LARP4: variants seen among roughly 807,000 people sequenced by gnomAD.
The protein encoded by LARP4 is La ribonucleoprotein 4.
A neutral mutation model predicts 92.9 loss-of-function variants in LARP4; 29 were observed. That is an observed-to-expected ratio of 0.31 (90% CI 0.23 to 0.43). The LOEUF (loss-of-function observed/expected upper bound fraction) is 0.43, where lower values mean the gene tolerates loss of function less well. LARP4 is among the 20% of genes least tolerant of loss of function. The pLI is 1.00. For synonymous variants in LARP4, 279 were observed against 284.1 expected (o/e 0.98, Z 0.18); for missense variants, 732 against 860.0 (o/e 0.85, Z 1.86).
intron 4 of LARP4, among the ~76,000 whole-genome samples, chr12:50,434,997 G>A (rs1000800936): frequency 5.3e-5 from 8 of 152,306 alleles, no homozygotes; most frequent in East Asian, 1.9e-4. Flanking sequence ...GCAGTGAGTC[G>A]AGTTTGCGCC....
intron 8 of LARP4, among the ~76,000 whole-genome samples, chr12:50,443,864 C>T (rs1391750928): frequency 2.6e-5 from 4 of 152,192 alleles, no homozygotes; most frequent in Non-Finnish European, 4.4e-5. Context: ...CCACCCACCT[C>T]GGCCTCCCAA....
At chr12:50,403,063 C>T (rs945975493) in intron 1 of LARP4, among the ~76,000 whole-genome samples, 3 of 152,170 alleles carry the variant, frequency 2.0e-5, no homozygotes, top group Non-Finnish European at 2.9e-5. Context: ...GAATTATTCT[C>T]AGTGAGAGAA....
intron 4 of LARP4, among the ~76,000 whole-genome samples, chr12:50,434,114 A>G (rs944332719): frequency 1.3e-5 from 2 of 152,162 alleles, no homozygotes; most frequent in African/African-American, 4.8e-5. Flanking sequence ...GATAAGTGCT[A>G]TGGGAAAAAA....
intron 1 of LARP4, among the ~76,000 whole-genome samples, chr12:50,407,089 G>C (rs1270469689): frequency 6.6e-6 from 1 of 151,894 alleles, no homozygotes; most frequent in African/African-American, 2.4e-5. Context: ...ACAGTGGCAT[G>C]ATCTCGGCTC....
chr12:50,456,676 C>G (rs1282340969), intron 10 of LARP4, among the ~76,000 whole-genome samples: 1 of 152,120 alleles, frequency 6.6e-6, no homozygotes, highest in Non-Finnish European at 1.5e-5. Context: ...CTTTACTTCT[C>G]TTTTCTGTCT....
In LARP4 at chr12:50,461,342, G is replaced by A. The variant is rs187169710; in HGVS notation, c.1329G>A (p.Arg443=). The change falls in exon 11 of 16, where the codon AGG becomes AGA. Residue 443 remains arginine, a synonymous_variant. Coordinates refer to ENST00000398473, the MANE Select transcript of LARP4 (RefSeq NM_052879.5). ...LQVEQNGDYG[R]GRRTLFRGRR... ...TGGAACAGAATGGGGACTATGGTAG[G>A]GGCAGGTAAGAAAATAAAGTACCTG... 1.2e-4 allele frequency: 186 copies of A among 1,612,634 alleles called. No individual in the cohort carries two copies. In the East Asian group the frequency reaches 4.1e-3, roughly 36 times the overall value.
intron 1 of LARP4, among the ~76,000 whole-genome samples, chr12:50,422,321 T>G (rs1032144238): frequency 1.3e-5 from 2 of 152,198 alleles, no homozygotes; most frequent in African/African-American, 2.4e-5. Flanking sequence ...ATACAGTGCC[T>G]AGCCCACAGA....
chr12:50,453,630 G>T lies in LARP4; in HGVS notation c.975G>T (p.Gln325His). 1 of 1,612,146 alleles carries T rather than the reference G, an allele frequency of 6.2e-7. No homozygotes were observed. Among genetic ancestry groups the T allele is most frequent in the Non-Finnish European group, 8.5e-7 (1 of 1,178,770 alleles). ...QQYSVYSIVPQSWSPNPTPYF... is the reference protein window; with the variant it reads ...QQYSVYSIVPHSWSPNPTPYF... ...ACTCGGTCTATAGTATTGTGCCTCA[G>T]TCTTGGTCTCCAAATCCTACACCTT... Residue 325 changes from glutamine to histidine, a missense_variant, in exon 9 of 16, where the codon CAG becomes CAT. Gln to His is a conservative substitution (Grantham distance 24). Transcript: ENST00000398473.
chr12:50,424,908 A>G (rs1174574647), intron 1 of LARP4, among the ~76,000 whole-genome samples: 1 of 151,818 alleles, frequency 6.6e-6, no homozygotes, highest in Non-Finnish European at 1.5e-5. Flanking sequence ...GCACTTTGGG[A>G]GGCCGAGGTG....
intron 14 of LARP4, 90 bp from the exon 15 acceptor site, chr12:50,473,909 C>CAAA: frequency 4.1e-6 from 4 of 965,778 alleles, no homozygotes; most frequent in Non-Finnish European, 5.9e-6. Flanking sequence ...GACTCCGTCT[C>CAAA]AAAAAAAAAA....
chr12:50,440,421 T>C lies in LARP4; in HGVS notation c.640-18T>C. 6.3e-7 allele frequency: 1 copy of C among 1,575,090 alleles called. No individual in the cohort carries two copies. Among genetic ancestry groups the C allele is most frequent in the Non-Finnish European group, 8.7e-7 (1 of 1,147,044 alleles). ...TGATGTATTTTTTAGAGTTAACTAA[T>C]TTTCTTTTTCTTTTTAGGAAGTGAA... is the stretch of plus-strand genomic sequence containing the variant. On this transcript the variant is annotated intron_variant, in intron 6 of 15. Coordinates refer to ENST00000398473, the MANE Select transcript of LARP4 (RefSeq NM_052879.5).
intron 4 of LARP4, among the ~76,000 whole-genome samples, chr12:50,432,860 C>CAAAA (rs10660517): frequency 5.1e-4 from 63 of 124,402 alleles, no homozygotes; most frequent in Non-Finnish European, 8.6e-4. Context: ...GACTTCGTTT[C>CAAAA]AAAAAAAAAA....
chr12:50,428,868 G>A (rs954984525), intron 2 of LARP4, 67 bp from the exon 3 acceptor site: 2 of 1,240,072 alleles, frequency 1.6e-6, no homozygotes, highest in East Asian at 2.5e-5. Flanking sequence ...GTGACATACT[G>A]CCCAGAGTTC....
At chr12:50,447,866 C>A (rs569946527) in intron 8 of LARP4, among the ~76,000 whole-genome samples, 26 of 151,954 alleles carry the variant, frequency 1.7e-4, no homozygotes, top group South Asian at 4.2e-4. Context: ...ACTCCCCCCC[C>A]ATTTTTTTCT....
intron 1 of LARP4, among the ~76,000 whole-genome samples, chr12:50,426,687 GTGTGTGTGTGT>G (rs1948776946): frequency 1.2e-3 from 100 of 81,048 alleles, no homozygotes; most frequent in African/African-American, 4.1e-3. Context: ...TGTTTGGGGT[GTGTGTGTGTGT>G]GTGTGTGTGT....
Position 50,441,179 on chromosome 12 carries a change from G to A in LARP4, c.751-411G>A, listed in dbSNP as rs189832216. On this transcript the variant is annotated intron_variant, in intron 7 of 15. Transcript: ENST00000398473. ...ATTACAGGCATGAGCCACTGCACCC[G>A]GTGATGGTTTTATTCTTAATTGTTA... 44 of 161,142 alleles carry A rather than the reference G, an allele frequency of 2.7e-4. 1 individual carries two copies. In the East Asian group the frequency reaches 7.3e-3, roughly 27 times the overall value. 10.0% of individuals were successfully genotyped at this position (161,142 alleles called of 1,614,324 possible).
intron 1 of LARP4, chr12:50,420,965 G>GGGA (rs1947666069): frequency 7.5e-5 from 1 of 13,310 alleles, no homozygotes; most frequent in Non-Finnish European, 2.0e-4. Flanking sequence ...TTTTTTTTTT[G>GGGA]GAGAGATGAA....
At chr12:50,464,730 G>A (rs910860365) in intron 12 of LARP4, among the ~76,000 whole-genome samples, 1 of 149,508 alleles carries the variant, frequency 6.7e-6, no homozygotes, top group South Asian at 2.1e-4. Context: ...CGCTCTTGTT[G>A]TCCACGTTGG....
At chr12:50,434,237 T>C (rs1331432434) in intron 4 of LARP4, among the ~76,000 whole-genome samples, 3 of 152,142 alleles carry the variant, frequency 2.0e-5, no homozygotes, top group Non-Finnish European at 4.4e-5. Flanking sequence ...TCCAGCTATT[T>C]ATAGCCAGAC....
Sources: allele counts gnomAD v4.1 joint callset (sites outside exome capture counted in the v4.1 genomes callset), GRCh38; gene constraint gnomAD v4.1.1; transcripts MANE v1.5; gene names NCBI Gene and HGNC (gene_info 2026-07-23, HGNC 2026-07-21).